The following NKAIN2 variants were observed in gnomAD, a reference collection of about 807,000 sequenced individuals.
NKAIN2 encodes sodium/potassium transporting ATPase interacting 2.
A neutral mutation model predicts 32.6 loss-of-function variants in NKAIN2; 14 were observed. The ratio of observed to expected loss-of-function variants is 0.43; its 90% CI spans 0.28 to 0.67. The LOEUF (loss-of-function observed/expected upper bound fraction) is 0.67, where lower values mean the gene tolerates loss of function less well. Among genes scored for constraint, NKAIN2 ranks in the 30% least tolerant of loss-of-function variants. NKAIN2 has a pLI of 0.17. For synonymous variants in NKAIN2, 80 were observed against 87.2 expected, an observed-to-expected ratio of 0.92 and a Z score of 0.46; for missense variants, 198 against 258.3, an observed-to-expected ratio of 0.77 and a Z score of 1.60.
At chr6:124,764,868 C>CA (rs113450871) in intron 4 of NKAIN2, among the ~76,000 whole-genome samples, 42 of 149,356 alleles carry the variant, frequency 2.8e-4, no homozygotes, top group Admixed American at 4.0e-4. Context: ...AATGTTAATG[C>CA]AAAAAAAAAC....
intron 3 of NKAIN2, among the ~76,000 whole-genome samples, chr6:124,598,278 T>G (rs1782171881): frequency 6.6e-6 from 1 of 152,160 alleles, no homozygotes; most frequent in Non-Finnish European, 1.5e-5. Context: ...TCTTTCTCTC[T>G]CATAAGGGAT....
At chr6:124,046,299 C>T (rs1782123893) in intron 1 of NKAIN2, among the ~76,000 whole-genome samples, 1 of 151,846 alleles carries the variant, frequency 6.6e-6, no homozygotes, top group South Asian at 2.1e-4. Context: ...TTTTCTGAGT[C>T]CTTGGGGGAA....
intron 1 of NKAIN2, among the ~76,000 whole-genome samples, chr6:124,161,852 C>G (rs1788293831): frequency 1.3e-5 from 2 of 152,052 alleles, no homozygotes; most frequent in South Asian, 4.1e-4. Flanking sequence ...TGCTCACTAC[C>G]TGGGTGACGG....
chr6:124,476,687 T>C (rs1777230471), intron 3 of NKAIN2, among the ~76,000 whole-genome samples: 1 of 152,180 alleles, frequency 6.6e-6, no homozygotes, highest in South Asian at 2.1e-4. Context: ...CAAGTCATTA[T>C]TTTATTTAAA....
chr6:124,365,038 C>T (rs932242865), intron 3 of NKAIN2, among the ~76,000 whole-genome samples: 1 of 151,698 alleles, frequency 6.6e-6, no homozygotes, highest in Non-Finnish European at 1.5e-5. Flanking sequence ...TAAAAGATGG[C>T]ATAACTCCTA....
intron 5 of NKAIN2, among the ~76,000 whole-genome samples, chr6:124,798,614 C>T (rs1261746986): frequency 6.6e-6 from 1 of 152,070 alleles, no homozygotes; most frequent in East Asian, 1.9e-4. Context: ...CCCCCTCTGC[C>T]CAAAGCACAG....
chr6:124,290,064 AC>A (rs1215749333), intron 2 of NKAIN2, among the ~76,000 whole-genome samples: 1 of 152,064 alleles, frequency 6.6e-6, no homozygotes. Context: ...ACAAAAAAAA[AC>A]ATCATTACAA....
chr6:123,894,238 G>C (rs761591893), intron 1 of NKAIN2, among the ~76,000 whole-genome samples: 24 of 152,120 alleles, frequency 1.6e-4, no homozygotes, highest in Admixed American at 9.2e-4. Flanking sequence ...TGCAAAGCCT[G>C]CTTGGCCAGG....
chr6:124,660,413 G>A (rs981188817), intron 4 of NKAIN2, among the ~76,000 whole-genome samples: 12 of 152,178 alleles, frequency 7.9e-5, no homozygotes, highest in African/African-American at 2.7e-4. Flanking sequence ...ACATTTGGAC[G>A]TGGGGGCATA....
At chr6:124,686,804 T>C (rs958764915) in intron 4 of NKAIN2, among the ~76,000 whole-genome samples, 7 of 152,166 alleles carry the variant, frequency 4.6e-5, no homozygotes, top group Admixed American at 1.3e-4. Context: ...ATACAAAGTA[T>C]TGATCCTGGG....
chr6:124,195,238 G>T (rs9491084), intron 1 of NKAIN2, among the ~76,000 whole-genome samples: 1 of 151,702 alleles, frequency 6.6e-6, no homozygotes, highest in African/African-American at 2.4e-5. Context: ...GAGTAAATCA[G>T]TTCTACATTA....
chr6:124,417,550 T>A (rs1774550889), intron 3 of NKAIN2, among the ~76,000 whole-genome samples: 1 of 152,188 alleles, frequency 6.6e-6, no homozygotes, highest in African/African-American at 2.4e-5. Context: ...ACTTTGGTTC[T>A]AAATAAAGTA....
intron 4 of NKAIN2, among the ~76,000 whole-genome samples, chr6:124,699,518 G>T (rs1015459622): frequency 1.3e-5 from 2 of 152,146 alleles, no homozygotes; most frequent in African/African-American, 2.4e-5. Context: ...TTGGATTACA[G>T]AGGCAGTTTC....
intron 4 of NKAIN2, among the ~76,000 whole-genome samples, chr6:124,790,342 T>C (rs1779694112): frequency 6.6e-6 from 1 of 151,896 alleles, no homozygotes; most frequent in Non-Finnish European, 1.5e-5. Flanking sequence ...TGGCGGTTCC[T>C]TTTTTTCCCG....
At chr6:124,387,281 G>C (rs531692056) in intron 3 of NKAIN2, among the ~76,000 whole-genome samples, 3 of 134,378 alleles carry the variant, frequency 2.2e-5, no homozygotes, top group South Asian at 5.2e-4. Flanking sequence ...AAAAAGTTTG[G>C]ACCTAATTAA....
intron 2 of NKAIN2, among the ~76,000 whole-genome samples, chr6:124,348,953 C>A (rs1191133808): frequency 2.0e-5 from 3 of 152,182 alleles, no homozygotes; most frequent in Non-Finnish European, 4.4e-5. Flanking sequence ...ATATCCCACA[C>A]CTGGCTCGGA....
intron 3 of NKAIN2, among the ~76,000 whole-genome samples, chr6:124,455,996 G>A (rs999093406): frequency 6.6e-6 from 1 of 151,808 alleles, no homozygotes; most frequent in African/African-American, 2.4e-5. Context: ...CAGCATGACA[G>A]GGGACAGGGA....
At chr6:123,844,508 T>A (rs1182154456) in intron 1 of NKAIN2, among the ~76,000 whole-genome samples, 5 of 152,190 alleles carry the variant, frequency 3.3e-5, no homozygotes. Flanking sequence ...TCGTCTCCCC[T>A]TAATGATCTC....
At chr6:124,740,377 C>G (rs1178437685) in intron 4 of NKAIN2, among the ~76,000 whole-genome samples, 2 of 151,192 alleles carry the variant, frequency 1.3e-5, no homozygotes, top group Non-Finnish European at 3.0e-5. Context: ...GACAAAGACT[C>G]TTCCCTCATG....
Sources: allele counts gnomAD v4.1 joint callset (sites outside exome capture counted in the v4.1 genomes callset), GRCh38; gene constraint gnomAD v4.1.1; transcripts MANE v1.5; gene names NCBI Gene and HGNC (gene_info 2026-07-23, HGNC 2026-07-21).